GNPDA2: variants seen among roughly 807,000 people sequenced by gnomAD.
GNPDA2 encodes glucosamine-6-phosphate deaminase 2, also known as glcN6P deaminase 2.
In GNPDA2, 24 loss-of-function variants were observed where a neutral mutation model predicts 27.0. The ratio of observed to expected loss-of-function variants is 0.89; its 90% CI spans 0.64 to 1.25. GNPDA2 has a LOEUF of 1.25. Ranked by LOEUF, GNPDA2 falls within the 50% of genes most tolerant of loss-of-function variation. The pLI is 0.00. For synonymous variants in GNPDA2, 94 were observed against 108.4 expected (o/e 0.87, Z 0.83); for missense variants, 286 against 335.1 (o/e 0.85, Z 1.14).
intron 1 of GNPDA2, among the ~76,000 whole-genome samples, chr4:44,726,033 C>A (rs1717993909): frequency 6.6e-6 from 1 of 152,144 alleles, no homozygotes; most frequent in African/African-American, 2.4e-5. Context: ...GGTGGCCTGG[C>A]CGCGCGTGTG....
intron 4 of GNPDA2, among the ~76,000 whole-genome samples, chr4:44,715,099 G>A (rs1277549368): frequency 1.3e-5 from 2 of 152,022 alleles, no homozygotes; most frequent in Non-Finnish European, 2.9e-5. Flanking sequence ...GGTTTATACT[G>A]AAGAAACATA....
At chr4:44,706,665 A>T (rs1716625915) in intron 6 of GNPDA2, 2 of 151,924 alleles carry the variant, frequency 1.3e-5, no homozygotes. Flanking sequence ...TGAGAAAAAA[A>T]TGCTACCCAG....
At chr4:44,721,793 C>G (rs1430517992) in intron 2 of GNPDA2, among the ~76,000 whole-genome samples, 2 of 152,072 alleles carry the variant, frequency 1.3e-5, no homozygotes, top group African/African-American at 4.8e-5. Context: ...TTCCCCAAAA[C>G]AAAGGACTAC....
intron 5 of GNPDA2, among the ~76,000 whole-genome samples, chr4:44,708,872 A>G (rs1377357326): frequency 6.6e-6 from 1 of 152,014 alleles, no homozygotes; most frequent in Non-Finnish European, 1.5e-5. Flanking sequence ...AATTACCTCA[A>G]CTCCTCAAAA....
At chr4:44,718,906 T>C (rs1717495249) in intron 2 of GNPDA2, among the ~76,000 whole-genome samples, 1 of 151,996 alleles carries the variant, frequency 6.6e-6, no homozygotes, top group African/African-American at 2.4e-5. Flanking sequence ...CTTACAGCTT[T>C]CTAAATGGAG....
At position 44,702,572 on chromosome 4, in the gene GNPDA2, T is replaced by G; in HGVS notation, c.*509A>C. On this transcript the variant is annotated 3_prime_UTR_variant, in exon 7 of 7. Coordinates refer to ENST00000295448, the MANE Select transcript of GNPDA2 (RefSeq NM_138335.3). ...TTACCAATGATATATAGCACAATTTTTGATGTCTAGATGGTGCTGTAGGAA... is the reference window on the plus strand; with the variant it reads ...TTACCAATGATATATAGCACAATTTGTGATGTCTAGATGGTGCTGTAGGAA... The G allele has an allele frequency of 1.0e-6, 1 of 988,062 alleles. No individual in the cohort carries two copies. Among genetic ancestry groups the G allele is most frequent in the East Asian group, 1.1e-4 (1 of 8,836 alleles). The allele number at this position is 988,062 out of a possible 1,614,324, so 61.2% of individuals were successfully genotyped here.
At chr4:44,706,175 G>A (rs1318044522) in intron 6 of GNPDA2, 1 of 151,804 alleles carries the variant, frequency 6.6e-6, no homozygotes, top group Non-Finnish European at 1.5e-5. Flanking sequence ...GGAAAATAGA[G>A]TTAAAACTCC....
At chr4:44,716,338 A>G (rs1001351287) in intron 4 of GNPDA2, among the ~76,000 whole-genome samples, 1 of 151,960 alleles carries the variant, frequency 6.6e-6, no homozygotes, top group African/African-American at 2.4e-5. Flanking sequence ...CAGATAATTT[A>G]CAGCATTAGT....
chr4:44,703,986 G>A, intron 6 of GNPDA2: 1 of 985,084 alleles, frequency 1.0e-6, no homozygotes, highest in Admixed American at 6.2e-5. Context: ...GGCACTTAAT[G>A]CGGTTTTGCA....
rs186402483 is a variant in GNPDA2, at chr4:44,702,405, A to G, written c.*676T>C. Reference sequence around the variant, plus strand: ...TTGTCAAGATACTTATATTAGGGACATGAACCCAAGTCGTTAAATAAAAAT... The same window carrying G: ...TTGTCAAGATACTTATATTAGGGACGTGAACCCAAGTCGTTAAATAAAAAT... On this transcript the variant is annotated 3_prime_UTR_variant, in exon 7 of 7. Transcript: ENST00000295448. The G allele has an allele frequency of 1.8e-3, 1,714 of 973,070 alleles. 2 individuals are homozygous for G. The highest frequency in any genetic ancestry group is 4.2e-3 in the Admixed American group (69 of 16,244). The allele number at this position is 973,070 out of a possible 1,614,324, so 60.3% of individuals were successfully genotyped here. A position where few individuals can be genotyped will look rare whatever the true frequency, so the allele number is the denominator to read the frequency against.
chr4:44,723,811 G>A (rs891615598), intron 1 of GNPDA2, among the ~76,000 whole-genome samples: 1 of 152,114 alleles, frequency 6.6e-6, no homozygotes, highest in Admixed American at 6.5e-5. Context: ...TGGGGTGGGA[G>A]TGGGCCCAAG....
rs1716329318 is a variant in GNPDA2, at chr4:44,702,395, T to C, written c.*686A>G. 6.2e-6 allele frequency: 6 copies of C among 965,270 alleles called. No individual in the cohort carries two copies. Among genetic ancestry groups the C allele is most frequent in the African/African-American group, 1.8e-5 (1 of 56,676 alleles). 59.8% of individuals were successfully genotyped at this position (965,270 alleles called of 1,614,324 possible). The stretch of plus-strand genomic sequence containing the variant: ...AAGCTCATAATTGTCAAGATACTTA[T>C]ATTAGGGACATGAACCCAAGTCGTT... On this transcript the variant is annotated 3_prime_UTR_variant, in exon 7 of 7. Coordinates refer to ENST00000295448, the MANE Select transcript of GNPDA2 (RefSeq NM_138335.3).
intron 5 of GNPDA2, among the ~76,000 whole-genome samples, chr4:44,710,396 A>C (rs373739275): frequency 7.2e-5 from 11 of 152,164 alleles, no homozygotes; most frequent in African/African-American, 2.7e-4. Flanking sequence ...CTCAAGGAAG[A>C]AAATGACAGC....
chr4:44,720,909 A>G (rs1186614720), intron 2 of GNPDA2, among the ~76,000 whole-genome samples: 3 of 152,170 alleles, frequency 2.0e-5, no homozygotes, highest in African/African-American at 4.8e-5. Context: ...TTTTTTCTGC[A>G]TCATAATTAA....
chr4:44,704,884 A>G (rs1470043193), intron 6 of GNPDA2: 14 of 983,518 alleles, frequency 1.4e-5, no homozygotes, highest in Middle Eastern at 5.2e-4. Context: ...TGATGATGTC[A>G]TATACTAAAA....
intron 4 of GNPDA2, 62 bp downstream of exon 4, chr4:44,717,051 A>AC (rs1560362190): frequency 3.3e-6 from 4 of 1,208,160 alleles, no homozygotes; most frequent in Non-Finnish European, 3.5e-6. Context: ...TTTATTTTTT[A>AC]AATTTAAAAA....
intron 4 of GNPDA2, among the ~76,000 whole-genome samples, chr4:44,712,986 T>C (rs746223164): frequency 2.0e-4 from 31 of 152,242 alleles, no homozygotes; most frequent in Admixed American, 7.2e-4. Flanking sequence ...AGAATGTACA[T>C]GCACTCTTCA....
At position 44,703,823 on chromosome 4, in the gene GNPDA2, A is replaced by C. The variant is rs965906665; in HGVS notation, c.770-681T>G. On this transcript the variant is annotated intron_variant, in intron 6 of 6. Coordinates refer to ENST00000295448, the MANE Select transcript of GNPDA2 (RefSeq NM_138335.3). ...TTGGGAAATAGCTGATCTTCCAGTT[A>C]CTCCTGTTTTAATGCCTCAGTACTA... The C allele has an allele frequency of 4.2e-5, 41 of 984,974 alleles. No individual in the cohort carries two copies. The African/African-American group carries it at 6.3e-4, about 15-fold the overall frequency. The allele number at this position is 984,974 out of a possible 1,614,324, so 61.0% of individuals were successfully genotyped here.
chr4:44,707,133 G>A (rs969771923), intron 6 of GNPDA2: 2 of 152,010 alleles, frequency 1.3e-5, no homozygotes, highest in South Asian at 4.1e-4. Context: ...TATGTGTTTT[G>A]TAATACACAG....
Sources: gnomAD v4.1 joint callset for allele counts (sites outside exome capture counted in the v4.1 genomes callset) on GRCh38, gnomAD v4.1.1 for gene constraint, MANE v1.5 for transcripts, NCBI Gene and HGNC (gene_info 2026-07-23, HGNC 2026-07-21) for gene names.